Variants in CFAP54 observed in about 807,000 individuals in gnomAD.
CFAP54 encodes the protein cilia and flagella associated protein 54, also known as cilia- and flagella-associated protein 54.
A neutral mutation model predicts 370.4 loss-of-function variants in CFAP54; 290 were observed. The ratio of observed to expected loss-of-function variants is 0.78; its 90% confidence interval spans 0.71 to 0.86. The LOEUF (loss-of-function observed/expected upper bound fraction) is 0.86, where lower values mean the gene tolerates loss of function less well. CFAP54 is among the 40% of genes least tolerant of loss of function. The pLI, the probability that CFAP54 is intolerant of heterozygous loss-of-function variation, is 0.00. For missense variants in CFAP54, 3,399 were observed against 3,528.7 expected, an observed-to-expected ratio of 0.96 and a Z score of 0.93; for synonymous variants, 1,206 against 1,236.5, an observed-to-expected ratio of 0.98 and a Z score of 0.52.
At chr12:96,592,662 A>C in intron 24 of CFAP54, 25 bp downstream of exon 24, 1 of 814,104 alleles carries the variant, frequency 1.2e-6, no homozygotes. Context: ...GTGACTAAAA[A>C]CATGTCAGAT....
intron 49 of CFAP54, among the ~76,000 whole-genome samples, chr12:96,719,859 G>T (rs1308659960): frequency 6.6e-6 from 1 of 152,198 alleles, no homozygotes; most frequent in Admixed American, 6.5e-5. Flanking sequence ...AGTTAAGAGG[G>T]CTGTGGTGTC....
intron 59 of CFAP54, 135 bp from the exon 60 acceptor site, chr12:96,764,942 G>T (rs1958383980): frequency 3.5e-6 from 2 of 576,250 alleles, no homozygotes; most frequent in Non-Finnish European, 5.4e-6. Flanking sequence ...ATTTTTTCAG[G>T]TTGTCTTTAT....
intron 50 of CFAP54, among the ~76,000 whole-genome samples, chr12:96,738,590 C>T (rs1014620752): frequency 5.6e-5 from 8 of 143,026 alleles, no homozygotes; most frequent in Admixed American, 1.5e-4. Context: ...CCTCCAAGCA[C>T]GTCTATGTCT....
chr12:96,647,717 T>A (rs1193689331), intron 33 of CFAP54, among the ~76,000 whole-genome samples, 158 bp from the exon 34 acceptor site: 1 of 152,036 alleles, frequency 6.6e-6, no homozygotes, highest in Non-Finnish European at 1.5e-5. Context: ...TAAAAGTTAG[T>A]GAAAAAATGT....
intron 55 of CFAP54, among the ~76,000 whole-genome samples, chr12:96,750,173 A>G (rs1958166369): frequency 6.6e-6 from 1 of 152,112 alleles, no homozygotes. Flanking sequence ...CTGATTTTTG[A>G]TCCAAGGCTG....
intron 50 of CFAP54, among the ~76,000 whole-genome samples, chr12:96,735,421 T>C (rs1292668267): frequency 6.6e-6 from 1 of 152,118 alleles, no homozygotes; most frequent in Non-Finnish European, 1.5e-5. Context: ...CCTCGGCAGA[T>C]ACCCTAACAC....
intron 19 of CFAP54, chr12:96,565,259 G>C (rs974122115): frequency 5.9e-5 from 9 of 152,160 alleles, no homozygotes; most frequent in African/African-American, 2.2e-4. Context: ...TTTGAGACAG[G>C]GTCTCACTCT....
intron 36 of CFAP54, among the ~76,000 whole-genome samples, chr12:96,654,241 C>T (rs1411617534): frequency 1.3e-5 from 2 of 152,280 alleles, no homozygotes; most frequent in African/African-American, 4.8e-5. Flanking sequence ...GTGGCTCATG[C>T]CTGTAATCCC....
intron 65 of CFAP54, among the ~76,000 whole-genome samples, chr12:96,823,118 TTGTCTG>T (rs1424534722): frequency 2.7e-4 from 30 of 111,414 alleles, no homozygotes; most frequent in East Asian, 8.0e-4. Flanking sequence ...TCGTGTGTGT[TTGTCTG>T]TGTGTGTGTG....
intron 47 of CFAP54, among the ~76,000 whole-genome samples, 157 bp from the exon 48 acceptor site, chr12:96,708,451 A>G (rs1423298771): frequency 6.6e-6 from 1 of 152,194 alleles, no homozygotes; most frequent in Non-Finnish European, 1.5e-5. Flanking sequence ...TTCCGATGTT[A>G]CATGTCTCTC....
intron 39 of CFAP54, among the ~76,000 whole-genome samples, chr12:96,669,623 C>A (rs545970099): frequency 6.6e-6 from 1 of 152,260 alleles, no homozygotes; most frequent in South Asian, 2.1e-4. Flanking sequence ...TGGTTTCTGG[C>A]TTGGGTAGCC....
In CFAP54 at chr12:96,538,357, C is replaced by A; in HGVS notation, c.1792-27C>A. On this transcript the variant is annotated intron_variant, in intron 12 of 67. Transcript: ENST00000524981. ...ATACATGTATTTTATTATTCCTACT[C>A]ATTTACCTTCTCACTTTTGTTTTTA... The A allele has an allele frequency of 2.6e-6, 4 of 1,511,198 alleles. No individual in the cohort carries two copies. The African/African-American group carries it at 4.1e-5, about 16-fold the overall frequency. 93.6% of individuals were successfully genotyped at this position (1,511,198 alleles called of 1,614,324 possible). A position where few individuals can be genotyped will look rare whatever the true frequency, so the allele number is the denominator to read the frequency against.
At chr12:96,511,305 T>G (rs1416212667) in intron 4 of CFAP54, among the ~76,000 whole-genome samples, 1 of 152,188 alleles carries the variant, frequency 6.6e-6, no homozygotes, top group Non-Finnish European at 1.5e-5. Context: ...AGTTGCCATT[T>G]TCTCACAAAC....
At chr12:96,667,344 C>A (rs965339525) in intron 39 of CFAP54, among the ~76,000 whole-genome samples, 1 of 152,222 alleles carries the variant, frequency 6.6e-6, no homozygotes, top group Admixed American at 6.5e-5. Context: ...TTCTGACTAC[C>A]CTGACAGAGG....
In CFAP54 at chr12:96,743,450, A is replaced by G; in HGVS notation, c.7268A>G (p.Glu2423Gly). The change falls in exon 53 of 68, where the codon GAG (glutamate) becomes GGG (glycine). Residue 2423 changes from glutamate to glycine, a missense_variant. Physicochemically the swap from Glu to Gly is moderately conservative, Grantham distance 98 (BLOSUM62 -2). Coordinates refer to ENST00000524981, the MANE Select transcript of CFAP54 (RefSeq NM_001306084.2). Reference protein sequence around the residue: ...CLSLINEVCMEAKSAGDTELQ... With the variant: ...CLSLINEVCMGAKSAGDTELQ... ...AGCCTCATCAATGAAGTGTGTATGG[A>G]GGCAAAAAGCGCAGGGGACACGGAA... is the stretch of plus-strand genomic sequence containing the variant. 6.2e-7 allele frequency: 1 copy of G among 1,614,078 alleles called. No individual in the cohort carries two copies. Among genetic ancestry groups the G allele is most frequent in the Non-Finnish European group, 8.5e-7 (1 of 1,179,964 alleles).
rs1382748512 is a variant in CFAP54 at position 96,720,409 on chromosome 12, T to C, written c.6809T>C (p.Met2270Thr). The C allele has an allele frequency of 1.3e-6, 2 of 1,502,240 alleles. No individual in the cohort carries two copies. The allele number at this position is 1,502,240 out of a possible 1,614,324, so 93.1% of individuals were successfully genotyped here. Residue 2270 changes from methionine (M) to threonine (T), a missense_variant, in exon 50 of 68, where the codon ATG (methionine) becomes ACG (threonine). Coordinates refer to ENST00000524981, the MANE Select transcript of CFAP54 (RefSeq NM_001306084.2). ...DEITLSMLKS[M>T]LLMEAEDRLN... ...TGTATGGTATCCTTTCCTTAGTCGA[T>C]GTTACTGATGGAAGCTGAGGACAGG... is the stretch of plus-strand genomic sequence containing the variant.
chr12:96,626,850 CT>C lies in CFAP54; in HGVS notation c.4017del (p.Phe1339LeufsTer6). Reference sequence around the variant, plus strand: ...AGCAAAAACCAAGATTTCTGGAATTCTTTACACAAGTTATGCTAAAATGCAT... The same window carrying C: ...AGCAAAAACCAAGATTTCTGGAATTCTTACACAAGTTATGCTAAAATGCAT... ...FKQKPRFLEFFTQVMLKCMNE... is the reference protein window; with the variant it reads ...FKQKPRFLEFXTQVMLKCMNE... On this transcript the variant is annotated frameshift_variant, in exon 30 of 68. Transcript: ENST00000524981. LOFTEE classifies it high-confidence loss of function. 3 of 1,413,810 alleles carry C rather than the reference CT, an allele frequency of 2.1e-6. No homozygotes were observed. Among genetic ancestry groups the C allele is most frequent in the South Asian group, 1.5e-5 (1 of 65,318 alleles). The allele number at this position is 1,413,810 out of a possible 1,614,324, so 87.6% of individuals were successfully genotyped here. A position where few individuals can be genotyped will look rare whatever the true frequency, so the allele number is the denominator to read the frequency against.
At chr12:96,599,252 T>C (rs993222037) in intron 26 of CFAP54, among the ~76,000 whole-genome samples, 8 of 145,252 alleles carry the variant, frequency 5.5e-5, no homozygotes, top group African/African-American at 2.0e-4. Context: ...AGTGAGACCA[T>C]ATGGTGTTTG....
chr12:96,693,559 G>A (rs906180745), intron 44 of CFAP54, among the ~76,000 whole-genome samples, 163 bp from the exon 45 acceptor site: 1 of 152,194 alleles, frequency 6.6e-6, no homozygotes, highest in African/African-American at 2.4e-5. Flanking sequence ...TGAAGCATGT[G>A]CTAGATAGAT....
Sources: allele counts gnomAD v4.1 joint callset (sites outside exome capture counted in the v4.1 genomes callset), GRCh38; gene constraint gnomAD v4.1.1; transcripts MANE v1.5; gene names NCBI Gene and HGNC (gene_info 2026-07-23, HGNC 2026-07-21).